Variants in CNTN1 observed in about 807,000 individuals in gnomAD.
CNTN1 encodes contactin 1, also known as contactin-1.
In CNTN1, 38 loss-of-function variants were observed where a neutral mutation model predicts 126.4. The ratio of observed to expected loss-of-function variants is 0.30; its 90% CI spans 0.23 to 0.39. The LOEUF is 0.39. CNTN1 is among the 10% of genes least tolerant of loss of function. The pLI is 1.00. For missense variants in CNTN1, 1,009 were observed against 1,248.4 expected (o/e 0.81, Z 2.89); for synonymous variants, 413 against 422.6 (o/e 0.98, Z 0.28).
rs149051043 is a variant in CNTN1, at chr12:40,864,182, A to G, written c.-76-44175A>G. On this transcript the variant is annotated intron_variant, in intron 1 of 23. Transcript: ENST00000551295. ...CAGGAGCCCGCCACCACGCCCAGCT[A>G]ATTTTTTGTATTTTTAGTAGAGACA... Among the ~76,000 whole-genome samples, 512 of 151,050 alleles carry G rather than the reference A, an allele frequency of 3.4e-3. 5 individuals are homozygous for G. Among genetic ancestry groups the G allele is most frequent in the African/African-American group, 0.012 (483 of 41,016 alleles).
intron 23 of CNTN1, among the ~76,000 whole-genome samples, chr12:41,045,153 ACTAAGATACAC>A (rs894947890): frequency 2.4e-4 from 37 of 152,064 alleles, no homozygotes; most frequent in African/African-American, 8.7e-4. Context: ...CTAAGGATGA[ACTAAGATACAC>A]CTACCCCCGC....
intron 15 of CNTN1, among the ~76,000 whole-genome samples, chr12:40,964,042 T>C (rs1947207334): frequency 6.6e-6 from 1 of 152,112 alleles, no homozygotes; most frequent in Non-Finnish European, 1.5e-5. Flanking sequence ...AGGCTTTAAC[T>C]TGTACATGTA....
At chr12:40,840,768 C>A (rs191355189) in intron 1 of CNTN1, among the ~76,000 whole-genome samples, 1 of 151,328 alleles carries the variant, frequency 6.6e-6, no homozygotes, top group Non-Finnish European at 1.5e-5. Context: ...AAAAAGGTTT[C>A]GAAACAAATG....
chr12:40,948,170 A>G (rs1204176368), intron 14 of CNTN1, among the ~76,000 whole-genome samples: 1 of 151,760 alleles, frequency 6.6e-6, no homozygotes, highest in Admixed American at 6.6e-5. Flanking sequence ...AATAAAGTAT[A>G]TAAGTGGTTA....
chr12:41,008,959 A>G (rs951059236), intron 17 of CNTN1, among the ~76,000 whole-genome samples: 1 of 152,210 alleles, frequency 6.6e-6, no homozygotes, highest in African/African-American at 2.4e-5. Flanking sequence ...TGTAAGAGCT[A>G]TCAGTTCAGC....
intron 1 of CNTN1, among the ~76,000 whole-genome samples, chr12:40,748,335 A>G (rs1407192799): frequency 1.3e-5 from 2 of 152,122 alleles, no homozygotes; most frequent in East Asian, 1.9e-4. Flanking sequence ...CTCGTGAGGT[A>G]GGTAAGATTC....
rs1207384132 is a variant in CNTN1, at chr12:40,922,305, A to G, written c.277A>G (p.Met93Val). 3.1e-6 allele frequency: 5 copies of G among 1,614,070 alleles called. No individual in the cohort carries two copies. The highest frequency in any genetic ancestry group is 1.1e-5 in the South Asian group (1 of 91,082). Reference sequence around the variant, plus strand: ...TGATCTCACAAGTGATCGATACAGTATGGTAGGAGGAAACCTTGTTATCAA... The same window carrying G: ...TGATCTCACAAGTGATCGATACAGTGTGGTAGGAGGAAACCTTGTTATCAA... ...DVDLTSDRYS[M>V]VGGNLVINNP... The change falls in exon 5 of 24, where the codon ATG (methionine) becomes GTG (valine). Residue 93 changes from methionine (M) to valine (V), a missense_variant. Met to Val is a conservative substitution (Grantham distance 21). Coordinates refer to ENST00000551295, the MANE Select transcript of CNTN1 (RefSeq NM_001843.4).
At chr12:40,932,162 C>T (rs1248039745) in intron 7 of CNTN1, among the ~76,000 whole-genome samples, 2 of 151,654 alleles carry the variant, frequency 1.3e-5, no homozygotes, top group Non-Finnish European at 3.0e-5. Context: ...TTGGCTGTGT[C>T]CTCACCCAAA....
chr12:40,971,449 G>A (rs781710349), intron 15 of CNTN1: 2 of 1,596,066 alleles, frequency 1.3e-6, no homozygotes, highest in Non-Finnish European at 1.7e-6. Context: ...AACAGAAAAG[G>A]TGGAGAGAAA....
At chr12:40,756,113 G>T (rs973939315) in intron 1 of CNTN1, among the ~76,000 whole-genome samples, 10 of 152,136 alleles carry the variant, frequency 6.6e-5, no homozygotes, top group African/African-American at 2.4e-4. Context: ...AGTGAAGCAG[G>T]AGAGGAGCAA....
rs768202755 is a variant in CNTN1 at position 41,070,039 on chromosome 12, T to C, written c.*4T>C. On this transcript the variant is annotated 3_prime_UTR_variant, in exon 24 of 24. Transcript: ENST00000551295. Reference sequence around the variant, plus strand: ...CCTTGTCTACTTGGAATTCTGAATGTGTTGTGACAGCTGCTGTTCCCATCC... The same window carrying C: ...CCTTGTCTACTTGGAATTCTGAATGCGTTGTGACAGCTGCTGTTCCCATCC... 1.2e-5 allele frequency: 19 copies of C among 1,613,592 alleles called. No homozygotes were observed. Among genetic ancestry groups the C allele is most frequent in the Non-Finnish European group, 1.6e-5 (19 of 1,179,596 alleles).
At chr12:40,971,935 C>T (rs1947527111) in intron 15 of CNTN1, 1 of 1,025,362 alleles carries the variant, frequency 9.8e-7, no homozygotes, top group Non-Finnish European at 1.2e-6. Context: ...GTCAAACTCT[C>T]TAATGAGACA....
chr12:40,706,189 C>T (rs1941736057), intron 1 of CNTN1, among the ~76,000 whole-genome samples: 2 of 151,878 alleles, frequency 1.3e-5, no homozygotes, highest in Non-Finnish European at 2.9e-5. Context: ...CATATGTATA[C>T]ATGTGCCATG....
chr12:41,007,044 GGTTTT>G lies in CNTN1; in HGVS notation c.2114-7183_2114-7179del, dbSNP rs1189032113. Among the ~76,000 whole-genome samples, 70 of 123,488 alleles carry G rather than the reference GGTTTT, an allele frequency of 5.7e-4. 2 individuals are homozygous for G. Among genetic ancestry groups the G allele is most frequent in the African/African-American group, 2.1e-3 (67 of 32,170 alleles). The allele number at this position is 123,488 out of a possible 152,430, so 81.0% of individuals were successfully genotyped here. On this transcript the variant is annotated intron_variant, in intron 17 of 23. Coordinates refer to ENST00000551295, the MANE Select transcript of CNTN1 (RefSeq NM_001843.4). ...TTGGCAGTTAAAAGCAGTTTTGTGTGGTTTTTTTTTTTTTTTTTTTTTTTTTTTTT... is the reference window on the plus strand; with the variant it reads ...TTGGCAGTTAAAAGCAGTTTTGTGTGTTTTTTTTTTTTTTTTTTTTTTTTT...
chr12:40,757,770 G>GA (rs1196109375), intron 1 of CNTN1, among the ~76,000 whole-genome samples: 1 of 151,816 alleles, frequency 6.6e-6, no homozygotes, highest in Non-Finnish European at 1.5e-5. Flanking sequence ...TCATTGGTAA[G>GA]AAAAAAATAA....
rs777953120 is a variant in CNTN1, at chr12:40,822,148, C to CTTTTTTTTTTTTTTT, written c.-76-86199_-76-86185dup. Among the ~76,000 whole-genome samples the CTTTTTTTTTTTTTTT allele has an allele frequency of 1.9e-4, 9 of 47,260 alleles. 1 individual carries two copies. The highest frequency in any genetic ancestry group is 3.9e-4 in the African/African-American group (6 of 15,276). 31.0% of individuals were successfully genotyped at this position (47,260 alleles called of 152,430 possible). ...TTTCCAGTCTAGACAAAATATAAAT[C>CTTTTTTTTTTTTTTT]TTTTTTTTTTTTTTTTTTTTTTTTG... is the stretch of plus-strand genomic sequence containing the variant. On this transcript the variant is annotated intron_variant, in intron 1 of 23. Transcript: ENST00000551295.
intron 20 of CNTN1, among the ~76,000 whole-genome samples, chr12:41,021,035 A>AG (rs1245139857): frequency 6.6e-6 from 1 of 152,226 alleles, no homozygotes; most frequent in Non-Finnish European, 1.5e-5. Flanking sequence ...TAGAGAGATT[A>AG]GTTAGGGTCT....
At chr12:40,922,825 G>C (rs139664317) in intron 5 of CNTN1, among the ~76,000 whole-genome samples, 9 of 152,092 alleles carry the variant, frequency 5.9e-5, no homozygotes, top group South Asian at 2.1e-4. Context: ...ACAAAAATTA[G>C]CTGGGCGTTG....
At chr12:40,823,704 G>T (rs1941522112) in intron 1 of CNTN1, among the ~76,000 whole-genome samples, 1 of 152,002 alleles carries the variant, frequency 6.6e-6, no homozygotes, top group Non-Finnish European at 1.5e-5. Context: ...TTCAAACCCT[G>T]AGTTATTTCA....
Sources: gnomAD v4.1 joint callset for allele counts (sites outside exome capture counted in the v4.1 genomes callset) on GRCh38, gnomAD v4.1.1 for gene constraint, MANE v1.5 for transcripts, NCBI Gene and HGNC (gene_info 2026-07-23, HGNC 2026-07-21) for gene names.